EFR3A: variants seen among roughly 807,000 people sequenced by gnomAD.
EFR3A encodes protein EFR3 homolog A.
In EFR3A, 76 loss-of-function variants were observed where a neutral mutation model predicts 104.4. That is an observed-to-expected ratio of 0.73 (90% CI 0.60 to 0.88). The LOEUF is 0.88. Among genes scored for constraint, EFR3A ranks in the 40% least tolerant of loss-of-function variants. The probability of loss-of-function intolerance (pLI) is 0.00; values close to 1 mark genes in which losing one functional copy is unlikely to be tolerated. For synonymous variants in EFR3A, 330 were observed against 330.0 expected (o/e 1.00, Z 0.00); for missense variants, 985 against 1,012.5 (o/e 0.97, Z 0.37).
intron 22 of EFR3A, among the ~76,000 whole-genome samples, chr8:132,005,915 TG>T (rs1047241327): frequency 6.6e-6 from 1 of 152,160 alleles, no homozygotes; most frequent in African/African-American, 2.4e-5. Flanking sequence ...GACATCATAT[TG>T]AGTATGTTCT....
chr8:131,970,760 T>C (rs1205356367), intron 10 of EFR3A, 117 bp downstream of exon 10: 15 of 1,062,618 alleles, frequency 1.4e-5, no homozygotes, highest in Non-Finnish European at 1.9e-5. Context: ...CTTAAATTTC[T>C]GAAAATTTAA....
At position 131,970,394 on chromosome 8, in the gene EFR3A, A is replaced by C. The variant is rs1819981839; in HGVS notation, c.992-82A>C. The C allele has an allele frequency of 1.9e-5, 25 of 1,285,224 alleles. 2 individuals carry two copies. In the South Asian group the frequency reaches 3.6e-4, roughly 18 times the overall value. The allele number at this position is 1,285,224 out of a possible 1,614,324, so 79.6% of individuals were successfully genotyped here. A position where few individuals can be genotyped will look rare whatever the true frequency, so the allele number is the denominator to read the frequency against. On this transcript the variant is annotated intron_variant, in intron 9 of 22. Coordinates refer to ENST00000254624, the MANE Select transcript of EFR3A (RefSeq NM_015137.6). ...TGACTATTTAGAAAATTACAGAAAC[A>C]ATCTGTGGAGAAATAAGGTAATTGA...
At chr8:132,009,106 C>T (rs1822192156) in intron 22 of EFR3A, among the ~76,000 whole-genome samples, 1 of 151,806 alleles carries the variant, frequency 6.6e-6, no homozygotes, top group Non-Finnish European at 1.5e-5. Context: ...AACTGAATAA[C>T]TTAACAATTG....
intron 1 of EFR3A, among the ~76,000 whole-genome samples, chr8:131,932,088 T>C (rs1394885026): frequency 1.3e-5 from 2 of 152,130 alleles, no homozygotes; most frequent in Non-Finnish European, 2.9e-5. Context: ...AGTTCTTGCC[T>C]TCACATATTC....
At chr8:131,911,354 T>C (rs1816501859) in intron 1 of EFR3A, among the ~76,000 whole-genome samples, 1 of 152,238 alleles carries the variant, frequency 6.6e-6, no homozygotes, top group African/African-American at 2.4e-5. Flanking sequence ...TCATATAATA[T>C]ATAGATGGAT....
intron 14 of EFR3A, 51 bp from the exon 15 acceptor site, chr8:131,984,088 T>C (rs1411932000): frequency 6.6e-6 from 10 of 1,524,440 alleles, no homozygotes; most frequent in Non-Finnish European, 8.8e-6. Flanking sequence ...GAAATCTGCC[T>C]TTTCTACATT....
chr8:131,984,872 A>G, intron 15 of EFR3A, 57 bp from the exon 16 acceptor site: 1 of 1,477,808 alleles, frequency 6.8e-7, no homozygotes, highest in African/African-American at 1.4e-5. Context: ...TAATCAGAGA[A>G]AATGCTGGTG....
intron 7 of EFR3A, among the ~76,000 whole-genome samples, chr8:131,956,851 AAATT>A (rs1200719567): frequency 6.6e-5 from 10 of 152,196 alleles, no homozygotes; most frequent in Admixed American, 6.5e-4. Flanking sequence ...ATGCTACTAA[AAATT>A]AATCAGAATT....
intron 22 of EFR3A, among the ~76,000 whole-genome samples, chr8:132,009,555 G>GTAT (rs1238505691): frequency 2.6e-5 from 4 of 152,002 alleles, no homozygotes; most frequent in Admixed American, 2.0e-4. Flanking sequence ...GAAAATTCAA[G>GTAT]TATAGAAGGT....
chr8:131,952,955 A>G (rs1818781259), intron 5 of EFR3A, among the ~76,000 whole-genome samples: 1 of 152,238 alleles, frequency 6.6e-6, no homozygotes, highest in African/African-American at 2.4e-5. Context: ...AGATAGCAGA[A>G]AGAAAGGAAG....
At chr8:131,940,358 T>C in intron 1 of EFR3A, 141 bp from the exon 2 acceptor site, 1 of 788,262 alleles carries the variant, frequency 1.3e-6, no homozygotes, top group Non-Finnish European at 1.9e-6. Flanking sequence ...TCTTAATCAC[T>C]GATTACATTT....
In EFR3A at chr8:132,013,274, T is replaced by G. The variant is rs1456015847; in HGVS notation, c.*2379T>G. ...CATTTAAATGTTCCTCCTGTACTTG[T>G]GTTGTCTGTGACCGCTTATAGAGTT... On this transcript the variant is annotated 3_prime_UTR_variant, in exon 23 of 23. Transcript: ENST00000254624. The G allele has an allele frequency of 3.9e-5, 6 of 152,670 alleles. No homozygotes were observed. In the East Asian group the frequency reaches 7.7e-4, roughly 20 times the overall value. The allele number at this position is 152,670 out of a possible 1,614,324, so 9.5% of individuals were successfully genotyped here.
intron 22 of EFR3A, among the ~76,000 whole-genome samples, chr8:132,005,409 C>G (rs566483927): frequency 6.6e-6 from 1 of 151,676 alleles, no homozygotes; most frequent in Non-Finnish European, 1.5e-5. Flanking sequence ...TACATTTTAA[C>G]CATACCTGAG....
intron 8 of EFR3A, among the ~76,000 whole-genome samples, chr8:131,964,259 T>C (rs915225687): frequency 7.9e-5 from 12 of 151,690 alleles, no homozygotes; most frequent in African/African-American, 2.7e-4. Context: ...GGGTATTCAA[T>C]TAGGAAAAGA....
At chr8:131,973,629 G>C (rs1022272680) in intron 10 of EFR3A, among the ~76,000 whole-genome samples, 3 of 152,008 alleles carry the variant, frequency 2.0e-5, no homozygotes, top group Non-Finnish European at 4.4e-5. Context: ...TAATTTCTCA[G>C]TATTCTGGCA....
intron 8 of EFR3A, among the ~76,000 whole-genome samples, chr8:131,967,836 AAT>A (rs1819830862): frequency 6.6e-6 from 1 of 152,082 alleles, no homozygotes; most frequent in African/African-American, 2.4e-5. Flanking sequence ...GTCCATGTTA[AAT>A]AGTATTTATC....
chr8:131,968,578 C>T (rs1403442703), intron 9 of EFR3A, 148 bp downstream of exon 9: 8 of 749,788 alleles, frequency 1.1e-5, no homozygotes, highest in Non-Finnish European at 1.6e-5. Context: ...TGGGTTCATG[C>T]AATTATTTTC....
intron 12 of EFR3A, 81 bp downstream of exon 12, chr8:131,977,173 C>T (rs1485137926): frequency 2.9e-5 from 29 of 986,258 alleles, no homozygotes; most frequent in Non-Finnish European, 3.8e-5. Flanking sequence ...ATGTTACAAC[C>T]GTTCTTTCTT....
At chr8:131,905,341 A>G (rs1259040521) in intron 1 of EFR3A, among the ~76,000 whole-genome samples, 1 of 152,206 alleles carries the variant, frequency 6.6e-6, no homozygotes, top group African/African-American at 2.4e-5. Context: ...GTCAGTCTCC[A>G]ATGCACGTTT....
Sources: gnomAD v4.1 joint callset for allele counts (sites outside exome capture counted in the v4.1 genomes callset) on GRCh38, gnomAD v4.1.1 for gene constraint, MANE v1.5 for transcripts, NCBI Gene and HGNC (gene_info 2026-07-23, HGNC 2026-07-21) for gene names.